SNAPC1: variants seen among roughly 807,000 people sequenced by gnomAD.
SNAPC1 encodes small nuclear RNA activating complex polypeptide 1, also known as snRNA-activating protein complex subunit 1.
SNAPC1 carries 42 observed loss-of-function variants against 50.1 expected under a neutral mutation model. The observed-to-expected ratio is 0.84, with a 90% CI of 0.65 to 1.08. The LOEUF is 1.08. SNAPC1 is among the 50% of genes least tolerant of loss of function. The pLI, the probability that SNAPC1 is intolerant of heterozygous loss-of-function variation, is 0.00. For missense variants in SNAPC1, 477 were observed against 427.3 expected (o/e 1.12, Z -1.02); for synonymous variants, 164 against 144.2 (o/e 1.14, Z -0.98).
rs2045180185 is a variant in SNAPC1, at chr14:61,795,166, C to A, written c.*183C>A. 1.9e-6 allele frequency: 1 copy of A among 521,376 alleles called. No individual in the cohort carries two copies. Among genetic ancestry groups the A allele is most frequent in the East Asian group, 3.3e-5 (1 of 30,722 alleles). The allele number at this position is 521,376 out of a possible 1,614,324, so 32.3% of individuals were successfully genotyped here. On this transcript the variant is annotated 3_prime_UTR_variant, in exon 10 of 10. Transcript: ENST00000216294. Reference sequence around the variant, plus strand: ...AGTACAAAAAATTAGAATAAGAATTCTTTAACATTTTCTTTAATGATTTGC... The same window carrying A: ...AGTACAAAAAATTAGAATAAGAATTATTTAACATTTTCTTTAATGATTTGC...
intron 8 of SNAPC1, among the ~76,000 whole-genome samples, chr14:61,792,335 G>A (rs1028465691): frequency 6.6e-6 from 1 of 152,092 alleles, no homozygotes; most frequent in Non-Finnish European, 1.5e-5. Context: ...AAAATGGAAA[G>A]TCAATCGCAA....
chr14:61,787,448 T>C (rs561363908), intron 8 of SNAPC1, among the ~76,000 whole-genome samples: 3 of 152,140 alleles, frequency 2.0e-5, no homozygotes, highest in South Asian at 4.1e-4. Flanking sequence ...AGGAGTTTAA[T>C]TGAGCAGTGA....
chr14:61,776,728 T>C (rs1216033204), intron 5 of SNAPC1, among the ~76,000 whole-genome samples: 1 of 152,246 alleles, frequency 6.6e-6, no homozygotes, highest in Non-Finnish European at 1.5e-5. Flanking sequence ...GATTCCACTT[T>C]GCTGCATGAC....
In SNAPC1 at chr14:61,778,118, A is replaced by G; in HGVS notation, c.740A>G (p.Glu247Gly). 6.2e-7 allele frequency: 1 copy of G among 1,604,258 alleles called. No individual in the cohort carries two copies. The highest frequency in any genetic ancestry group is 1.7e-5 in the Admixed American group (1 of 58,348). ...SKTNDGEEKM[E>G]GNSQETERCE... ...ACTAATGATGGAGAAGAAAAAATGG[A>G]AGGAAATTCACAAGAAACGGAGGTC... is the stretch of plus-strand genomic sequence containing the variant. Residue 247 changes from glutamate (E) to glycine (G), a missense_variant, in exon 6 of 10, where the codon GAA becomes GGA. Physicochemically the swap from Glu to Gly is moderately conservative, Grantham distance 98. Transcript: ENST00000216294.
At chr14:61,792,448 ATTAAT>A (rs1453193213) in intron 8 of SNAPC1, among the ~76,000 whole-genome samples, 2 of 152,232 alleles carry the variant, frequency 1.3e-5, no homozygotes, top group East Asian at 1.9e-4. Flanking sequence ...TACATTTGTA[ATTAAT>A]TTAATAAAGT....
intron 8 of SNAPC1, among the ~76,000 whole-genome samples, chr14:61,787,105 CAT>C (rs996460463): frequency 4.7e-4 from 72 of 152,290 alleles, no homozygotes; most frequent in African/African-American, 1.4e-3. Context: ...GGACAGAAAA[CAT>C]ATATTTGGTT....
rs1362191039 is a variant in SNAPC1, at chr14:61,796,311, T to G, written c.*1328T>G. The G allele has an allele frequency of 2.0e-5, 3 of 149,374 alleles. No individual in the cohort carries two copies. The highest frequency in any genetic ancestry group is 4.5e-5 in the Non-Finnish European group (3 of 67,290). The allele number at this position is 149,374 out of a possible 1,614,324, so 9.3% of individuals were successfully genotyped here. A position where few individuals can be genotyped will look rare whatever the true frequency, so the allele number is the denominator to read the frequency against. Reference sequence around the variant, plus strand: ...TCCAGCCTGGGCAACAGAGTGAGACTTCGTCTCAAAAAAAAAAAAAAGTTT... The same window carrying G: ...TCCAGCCTGGGCAACAGAGTGAGACGTCGTCTCAAAAAAAAAAAAAAGTTT... On this transcript the variant is annotated 3_prime_UTR_variant, in exon 10 of 10. Coordinates refer to ENST00000216294, the MANE Select transcript of SNAPC1 (RefSeq NM_003082.4).
At chr14:61,792,113 A>C (rs2045156315) in intron 8 of SNAPC1, among the ~76,000 whole-genome samples, 1 of 151,976 alleles carries the variant, frequency 6.6e-6, no homozygotes, top group South Asian at 2.1e-4. Context: ...AAAAGAAAAA[A>C]AAAAAAAAGC....
At chr14:61,788,743 G>A (rs1283691191) in intron 8 of SNAPC1, among the ~76,000 whole-genome samples, 1 of 152,146 alleles carries the variant, frequency 6.6e-6, no homozygotes, top group South Asian at 2.1e-4. Flanking sequence ...TTTTCATAGA[G>A]CAATTTAGAA....
chr14:61,783,392 A>G (rs1045457445), intron 8 of SNAPC1, among the ~76,000 whole-genome samples: 1 of 152,076 alleles, frequency 6.6e-6, no homozygotes, highest in Non-Finnish European at 1.5e-5. Context: ...AGAATGAGAT[A>G]TAAATAATGC....
intron 4 of SNAPC1, among the ~76,000 whole-genome samples, chr14:61,774,700 G>A (rs143917390): frequency 0.015 from 1,456 of 98,786 alleles, 22 homozygotes; most frequent in African/African-American, 0.054. Context: ...TTTCACTCTT[G>A]TTGCGCAGGC....
intron 6 of SNAPC1, 95 bp from the exon 7 acceptor site, chr14:61,778,753 G>T: frequency 1.3e-6 from 1 of 788,732 alleles, no homozygotes. Flanking sequence ...CATTGTGTCT[G>T]AAATCTTATT....
Position 61,767,023 on chromosome 14 carries a change from A to G in SNAPC1, c.276A>G (p.Gln92=), listed in dbSNP as rs1036442487. The G allele has an allele frequency of 6.4e-7, 1 of 1,570,910 alleles. No individual in the cohort carries two copies. The highest frequency in any genetic ancestry group is 8.6e-7 in the Non-Finnish European group (1 of 1,156,696). ...GATTATATAATACCCAACTGTGTCA[A>G]CCAAAACAAAAGGTAATACTTAGTG... ...LYGLYNTQLC[Q]PKQKIRVALK... is the part of the protein sequence containing the mutation. Residue 92 remains glutamine, a synonymous_variant, in exon 2 of 10, where the codon CAA becomes CAG. Transcript: ENST00000216294.
intron 8 of SNAPC1, among the ~76,000 whole-genome samples, chr14:61,787,473 G>A (rs139271434): frequency 3.3e-5 from 5 of 151,504 alleles, no homozygotes; most frequent in African/African-American, 4.8e-5. Flanking sequence ...TTCCAGTATC[G>A]CACAGCCCCT....
chr14:61,767,103 AT>A, intron 2 of SNAPC1, 68 bp downstream of exon 2: 1 of 1,109,012 alleles, frequency 9.0e-7, no homozygotes, highest in Non-Finnish European at 1.2e-6. Context: ...TATAATAAAT[AT>A]TATATGATTA....
At chr14:61,787,903 C>T (rs578054335) in intron 8 of SNAPC1, among the ~76,000 whole-genome samples, 3 of 152,168 alleles carry the variant, frequency 2.0e-5, no homozygotes, top group African/African-American at 4.8e-5. Flanking sequence ...GGCACAGCAA[C>T]GTGATGAGCT....
rs67911009 is a variant in SNAPC1 at position 61,795,857 on chromosome 14, G to GT, written c.*886dup. 0.18 allele frequency: 26,323 copies of GT among 144,864 alleles called. 2,844 individuals are homozygous for GT. The highest frequency in any genetic ancestry group is 0.4 in the East Asian group (1,989 of 5,020). 9.0% of individuals were successfully genotyped at this position (144,864 alleles called of 1,614,324 possible). A position where few individuals can be genotyped will look rare whatever the true frequency, so the allele number is the denominator to read the frequency against. On this transcript the variant is annotated 3_prime_UTR_variant, in exon 10 of 10. Transcript: ENST00000216294. ...TCCCTATCATGTTGTTGGCTCAACT[G>GT]TTTTTTTTTTTTCCCTAATAGAGAT...
In SNAPC1 at chr14:61,792,828, A is replaced by T; in HGVS notation, c.998A>T (p.Lys333Met). The part of the protein sequence containing the change: ...RNKGNVQNIH[K>M]EDKPLSLSMP... Reference sequence around the variant, plus strand: ...CTAGGCAATGTGCAGAATATACACAAGGAAGATAAACCTTTAAGTCTGAGT... The same window carrying T: ...CTAGGCAATGTGCAGAATATACACATGGAAGATAAACCTTTAAGTCTGAGT... Residue 333 changes from lysine to methionine, a missense_variant, in exon 9 of 10, where the codon AAG (lysine) becomes ATG (methionine). Transcript: ENST00000216294. The T allele has an allele frequency of 6.3e-7, 1 of 1,584,004 alleles. No individual in the cohort carries two copies. The highest frequency in any genetic ancestry group is 1.1e-5 in the South Asian group (1 of 88,094).
At chr14:61,787,569 G>C (rs922475396) in intron 8 of SNAPC1, among the ~76,000 whole-genome samples, 1 of 152,180 alleles carries the variant, frequency 6.6e-6, no homozygotes, top group Non-Finnish European at 1.5e-5. Flanking sequence ...TACAGAAATC[G>C]GAAGTGAGGT....
Sources: allele counts gnomAD v4.1 joint callset (sites outside exome capture counted in the v4.1 genomes callset), GRCh38; gene constraint gnomAD v4.1.1; transcripts MANE v1.5; gene names NCBI Gene and HGNC (gene_info 2026-07-23, HGNC 2026-07-21).